PAQR3: variants seen among roughly 807,000 people sequenced by gnomAD.
PAQR3 encodes the protein Raf kinase trapping to Golgi.
A neutral mutation model predicts 41.7 loss-of-function variants in PAQR3; 39 were observed. The observed-to-expected ratio is 0.93, with a 90% CI of 0.72 to 1.22. The LOEUF (loss-of-function observed/expected upper bound fraction) is 1.22. Among genes scored for constraint, PAQR3 ranks in the 50% most tolerant of loss-of-function variants. PAQR3 has a pLI of 0.00. For synonymous variants in PAQR3, 140 were observed against 140.6 expected, an observed-to-expected ratio of 1.00 and a Z score of 0.03; for missense variants, 366 against 385.6, an observed-to-expected ratio of 0.95 and a Z score of 0.42.
At chr4:78,888,940 G>A (rs536163372) in intron 11 of PAQR3, among the ~76,000 whole-genome samples, 2 of 152,234 alleles carry the variant, frequency 1.3e-5, no homozygotes, top group South Asian at 4.1e-4. Context: ...CCCATTAATG[G>A]GCCGGGCGCG....
intron 11 of PAQR3, chr4:78,898,893 G>C (rs1310568310): frequency 6.6e-6 from 1 of 152,156 alleles, no homozygotes; most frequent in South Asian, 2.1e-4. Flanking sequence ...CCAGCTGCTC[G>C]GGAGGCTTAG....
downstream of PAQR3, among the ~76,000 whole-genome samples, chr4:78,909,942 T>C (rs78382932): frequency 6.6e-6 from 1 of 152,230 alleles, no homozygotes; most frequent in African/African-American, 2.4e-5. Context: ...CCAGATGGTT[T>C]AGATTTGTTT....
chr4:78,932,201 C>T (rs184276569), intron 2 of PAQR3, among the ~76,000 whole-genome samples: 20 of 152,266 alleles, frequency 1.3e-4, no homozygotes, highest in African/African-American at 4.8e-4. Flanking sequence ...AACTTCATTG[C>T]TTCATCAATT....
downstream of PAQR3, among the ~76,000 whole-genome samples, chr4:78,908,990 A>C (rs557118370): frequency 3.8e-4 from 57 of 148,864 alleles, 1 homozygote; most frequent in African/African-American, 1.1e-3. Flanking sequence ...TAGGCCACCA[A>C]AATCTCTAAC....
At chr4:78,895,549 C>T (rs1374717745) in intron 11 of PAQR3, among the ~76,000 whole-genome samples, 1 of 149,558 alleles carries the variant, frequency 6.7e-6, no homozygotes, top group Non-Finnish European at 1.5e-5. Context: ...AAAGAACTGA[C>T]ACCTAAAAAA....
At chr4:78,935,047 G>A (rs937498569) in intron 2 of PAQR3, 74 bp downstream of exon 2, 12 of 1,452,388 alleles carry the variant, frequency 8.3e-6, no homozygotes, top group Non-Finnish European at 1.1e-5. Flanking sequence ...GTAGGTCTGA[G>A]GTAAGGTCAC....
At chr4:78,929,665 C>G (rs1420130988) in intron 3 of PAQR3, among the ~76,000 whole-genome samples, 1 of 152,118 alleles carries the variant, frequency 6.6e-6, no homozygotes, top group Non-Finnish European at 1.5e-5. Flanking sequence ...TACAAGCCTA[C>G]CCCCAAACAT....
intron 11 of PAQR3, among the ~76,000 whole-genome samples, chr4:78,891,255 GTTTCTTCTTCTTCCTCTT>G (rs1230810087): frequency 3.3e-5 from 5 of 151,960 alleles, no homozygotes; most frequent in Non-Finnish European, 7.4e-5. Flanking sequence ...ACTGTGGTAG[GTTTCTTCTTCTTCCTCTT>G]TTTCTTATTC....
At chr4:78,926,127 CCCTT>C (rs2110146197) in intron 4 of PAQR3, among the ~76,000 whole-genome samples, 1 of 152,268 alleles carries the variant, frequency 6.6e-6, no homozygotes, top group East Asian at 1.9e-4. Flanking sequence ...TTCCCAACCT[CCCTT>C]CACCCCCTAA....
At position 78,917,726 on chromosome 4, in the gene PAQR3, A is replaced by G. The variant is rs1011674112; in HGVS notation, c.*2813T>C. The G allele has an allele frequency of 1.2e-6, 1 of 864,310 alleles. No homozygotes were observed. The highest frequency in any genetic ancestry group is 1.8e-5 in the African/African-American group (1 of 54,510). The allele number at this position is 864,310 out of a possible 1,614,324, so 53.5% of individuals were successfully genotyped here. A position where few individuals can be genotyped will look rare whatever the true frequency, so the allele number is the denominator to read the frequency against. ...ACAGGAATAGGCTTTGCCCCTTGAC[A>G]TTTAATACAGGGCAAAGTATTATCT... On this transcript the variant is annotated 3_prime_UTR_variant, in exon 6 of 6. Transcript: ENST00000512733.
At chr4:78,935,348 T>C in intron 1 of PAQR3, 65 bp from the exon 2 acceptor site, 1 of 1,466,498 alleles carries the variant, frequency 6.8e-7, no homozygotes, top group Non-Finnish European at 9.2e-7. Context: ...GTTCAAAGGT[T>C]AGGGACAATT....
rs1245221963 is a variant in PAQR3 at position 78,917,780 on chromosome 4, AC to A, written c.*2758del. The A allele has an allele frequency of 1.0e-6, 1 of 980,524 alleles. No homozygotes were observed. Among genetic ancestry groups the A allele is most frequent in the African/African-American group, 1.8e-5 (1 of 57,016 alleles). 60.7% of individuals were successfully genotyped at this position (980,524 alleles called of 1,614,324 possible). On this transcript the variant is annotated 3_prime_UTR_variant, in exon 6 of 6. Coordinates refer to ENST00000512733, the MANE Select transcript of PAQR3 (RefSeq NM_001040202.2). ...AGGTACCTGCCAAATGGAGAGTTGT[AC>A]AGTTTTACGGAAGTCAATCACAATC...
downstream of PAQR3, chr4:78,911,651 T>C: frequency 6.2e-7 from 1 of 1,613,892 alleles, no homozygotes. Flanking sequence ...AGCAATGAAT[T>C]TTTAACCATC....
Position 78,919,356 on chromosome 4 carries a change from T to C in PAQR3, c.*1183A>G. On this transcript the variant is annotated 3_prime_UTR_variant, in exon 6 of 6. Transcript: ENST00000512733. ...TACTTTAAGGGATTTAACTAATGCA[T>C]ATGAAAGACCAAAGAATAAGAGGGC... 1.0e-6 allele frequency: 1 copy of C among 983,660 alleles called. No homozygotes were observed. Among genetic ancestry groups the C allele is most frequent in the Non-Finnish European group, 1.2e-6 (1 of 828,432 alleles). 60.9% of individuals were successfully genotyped at this position (983,660 alleles called of 1,614,324 possible).
rs1452689955 is a variant in PAQR3, at chr4:78,913,744, T to C, written c.*6795A>G. 6.6e-6 allele frequency: 1 copy of C among 152,192 alleles called. No homozygotes were observed. The highest frequency in any genetic ancestry group is 1.5e-5 in the Non-Finnish European group (1 of 68,002). 9.4% of individuals were successfully genotyped at this position (152,192 alleles called of 1,614,324 possible). A position where few individuals can be genotyped will look rare whatever the true frequency, so the allele number is the denominator to read the frequency against. On this transcript the variant is annotated 3_prime_UTR_variant, in exon 6 of 6. Transcript: ENST00000512733. ...ACATATTTGTCTTTTTATTGCTTTTTCCCTTCTTTTATATGCTAAATCAAA... is the reference window on the plus strand; with the variant it reads ...ACATATTTGTCTTTTTATTGCTTTTCCCCTTCTTTTATATGCTAAATCAAA...
At chr4:78,889,900 T>C (rs1263231043) in intron 11 of PAQR3, among the ~76,000 whole-genome samples, 1 of 152,222 alleles carries the variant, frequency 6.6e-6, no homozygotes, top group Non-Finnish European at 1.5e-5. Context: ...TTGTAAGAAC[T>C]TAGTTAAGTT....
In PAQR3 at chr4:78,919,848, G is replaced by A. The variant is rs753542640; in HGVS notation, c.*691C>T. On this transcript the variant is annotated 3_prime_UTR_variant, in exon 6 of 6. Transcript: ENST00000512733. ...ACCACATAATTTGTTGTCTAATCTT[G>A]TACTTAGTTTCTAATGTGATTCTTA... The A allele has an allele frequency of 2.9e-5, 29 of 984,260 alleles. No homozygotes were observed. The highest frequency in any genetic ancestry group is 3.5e-5 in the Non-Finnish European group (29 of 828,754). The allele number at this position is 984,260 out of a possible 1,614,324, so 61.0% of individuals were successfully genotyped here.
intron 5 of PAQR3, chr4:78,923,028 G>A: frequency 2.2e-6 from 1 of 454,838 alleles, no homozygotes; most frequent in Non-Finnish European, 4.4e-6. Context: ...GTGTATCTTG[G>A]AAACACAAAG....
At chr4:78,896,541 A>T (rs1733711708) in intron 11 of PAQR3, among the ~76,000 whole-genome samples, 1 of 152,188 alleles carries the variant, frequency 6.6e-6, no homozygotes, top group South Asian at 2.1e-4. Flanking sequence ...AATATATGTG[A>T]AGCACAAAAA....
Sources: gnomAD v4.1 joint callset for allele counts (sites outside exome capture counted in the v4.1 genomes callset) on GRCh38, gnomAD v4.1.1 for gene constraint, MANE v1.5 for transcripts, NCBI Gene and HGNC (gene_info 2026-07-23, HGNC 2026-07-21) for gene names.